The following PDE7B variants were observed in gnomAD, a reference collection of about 807,000 sequenced individuals.
PDE7B encodes phosphodiesterase 7B.
Under a neutral mutation model 56.2 loss-of-function variants are expected in PDE7B, and 29 were observed. The observed-to-expected ratio is 0.52, with a 90% CI of 0.38 to 0.70. The LOEUF is 0.70. PDE7B is among the 30% of genes least tolerant of loss of function. PDE7B has a pLI of 0.00. For synonymous variants in PDE7B, 197 were observed against 196.9 expected (o/e 1.00, Z 0.00); for missense variants, 490 against 565.0 (o/e 0.87, Z 1.35).
intron 2 of PDE7B, among the ~76,000 whole-genome samples, chr6:135,962,633 A>T (rs1472268502): frequency 6.6e-6 from 1 of 152,158 alleles, no homozygotes; most frequent in African/African-American, 2.4e-5. Context: ...TAAAACCTAC[A>T]TCTCCCAAGT....
intron 2 of PDE7B, among the ~76,000 whole-genome samples, chr6:135,952,262 A>G (rs1374723627): frequency 2.6e-5 from 4 of 152,210 alleles, no homozygotes; most frequent in Admixed American, 2.0e-4. Flanking sequence ...ATAAGCTAAT[A>G]AAAATTATTA....
At chr6:135,894,507 A>G (rs917048108) in intron 1 of PDE7B, among the ~76,000 whole-genome samples, 18 of 152,130 alleles carry the variant, frequency 1.2e-4, no homozygotes, top group African/African-American at 4.3e-4. Flanking sequence ...GATTTGGGGT[A>G]AGGACTCCAA....
chr6:136,070,799 A>G (rs1777037681), intron 2 of PDE7B, among the ~76,000 whole-genome samples: 1 of 152,216 alleles, frequency 6.6e-6, no homozygotes, highest in Non-Finnish European at 1.5e-5. Flanking sequence ...TGATAATAAC[A>G]GCAAAGATTT....
At chr6:136,191,433 G>C (rs149702388) in intron 12 of PDE7B, among the ~76,000 whole-genome samples, 181 bp from the exon 13 acceptor site, 1 of 152,354 alleles carries the variant, frequency 6.6e-6, no homozygotes, top group Non-Finnish European at 1.5e-5. Context: ...TTGGGAGGCC[G>C]AGGCGGGCGG....
chr6:135,958,394 A>G (rs1016660849), intron 2 of PDE7B, among the ~76,000 whole-genome samples: 2 of 152,170 alleles, frequency 1.3e-5, no homozygotes, highest in East Asian at 3.8e-4. Context: ...AGACAATGTC[A>G]TTTTTAATTT....
intron 2 of PDE7B, among the ~76,000 whole-genome samples, chr6:136,011,815 G>C (rs907166989): frequency 2.0e-5 from 3 of 152,080 alleles, no homozygotes; most frequent in Non-Finnish European, 4.4e-5. Flanking sequence ...TCTGTGGTCA[G>C]ATTTTTACTT....
chr6:135,981,997 A>G (rs1388055652), intron 2 of PDE7B, among the ~76,000 whole-genome samples: 2 of 152,130 alleles, frequency 1.3e-5, no homozygotes, highest in Non-Finnish European at 2.9e-5. Context: ...TGAAGTCACT[A>G]GACGATAGGA....
At chr6:135,909,871 C>T (rs1776182035) in intron 1 of PDE7B, among the ~76,000 whole-genome samples, 2 of 152,076 alleles carry the variant, frequency 1.3e-5, no homozygotes, top group African/African-American at 4.8e-5. Context: ...GACTCGGATC[C>T]TCGGCAAACG....
intron 2 of PDE7B, among the ~76,000 whole-genome samples, chr6:135,997,367 T>A (rs1267439253): frequency 8.5e-6 from 1 of 118,282 alleles, no homozygotes; most frequent in African/African-American, 3.3e-5. Context: ...TGAGCCATGA[T>A]CATGCCACTG....
chr6:136,098,040 A>G (rs1300210843), intron 2 of PDE7B: 1 of 149,896 alleles, frequency 6.7e-6, no homozygotes, highest in Non-Finnish European at 1.5e-5. Flanking sequence ...CAGATCAAAC[A>G]TCACCCCTTA....
chr6:136,157,782 C>T (rs1778634013), intron 8 of PDE7B, among the ~76,000 whole-genome samples: 1 of 152,072 alleles, frequency 6.6e-6, no homozygotes, highest in Non-Finnish European at 1.5e-5. Context: ...ACATTAATAG[C>T]TGAGATGAAA....
intron 1 of PDE7B, among the ~76,000 whole-genome samples, chr6:135,890,417 G>A (rs1775790129): frequency 6.6e-6 from 1 of 152,156 alleles, no homozygotes; most frequent in African/African-American, 2.4e-5. Flanking sequence ...TGCTGCTATT[G>A]ATTTGTTTCA....
chr6:136,072,359 T>A (rs1004440672), intron 2 of PDE7B, among the ~76,000 whole-genome samples: 2 of 152,184 alleles, frequency 1.3e-5, no homozygotes, highest in Non-Finnish European at 1.5e-5. Flanking sequence ...ATACTTTAAT[T>A]TTGTTTTTTA....
chr6:135,948,843 CTAGATAGATAGATAGATAGATAGATAGA>C (rs35143164), intron 2 of PDE7B, among the ~76,000 whole-genome samples: 29 of 132,462 alleles, frequency 2.2e-4, no homozygotes, highest in Non-Finnish European at 3.9e-4. Context: ...ATTTCAGGTA[CTAGATAGATAGATAGATAGATAGATAGA>C]TAGATAGATA....
intron 1 of PDE7B, among the ~76,000 whole-genome samples, chr6:135,946,065 A>T (rs1262162639): frequency 6.6e-6 from 1 of 152,012 alleles, no homozygotes; most frequent in East Asian, 1.9e-4. Flanking sequence ...TATTCATTGC[A>T]TGTTTTTTGC....
At chr6:136,037,620 T>A in intron 2 of PDE7B, 1 of 985,418 alleles carries the variant, frequency 1.0e-6, no homozygotes, top group Non-Finnish European at 1.2e-6. Flanking sequence ...CTCTGTTTTT[T>A]TGAGAACTCC....
intron 2 of PDE7B, chr6:136,037,716 C>A (rs1368075111): frequency 2.0e-6 from 2 of 985,316 alleles, no homozygotes; most frequent in East Asian, 2.3e-4. Flanking sequence ...AAGGGGGGAG[C>A]CCCTCTGTGA....
At chr6:135,983,003 C>G (rs1381709161) in intron 2 of PDE7B, among the ~76,000 whole-genome samples, 1 of 152,162 alleles carries the variant, frequency 6.6e-6, no homozygotes, top group Non-Finnish European at 1.5e-5. Context: ...ATCTGATGAG[C>G]ACCATTAATG....
intron 2 of PDE7B, among the ~76,000 whole-genome samples, chr6:136,096,604 CAT>C (rs1345811586): frequency 2.0e-5 from 3 of 150,458 alleles, no homozygotes; most frequent in African/African-American, 7.3e-5. Flanking sequence ...ATTTTCATGA[CAT>C]AAACTATTCT....
Sources: allele counts gnomAD v4.1 joint callset (sites outside exome capture counted in the v4.1 genomes callset), GRCh38; gene constraint gnomAD v4.1.1; transcripts MANE v1.5; gene names NCBI Gene and HGNC (gene_info 2026-07-23, HGNC 2026-07-21).